AKR1D1: variants seen among roughly 807,000 people sequenced by gnomAD.
The protein encoded by AKR1D1 is delta(4)-3-ketosteroid 5-beta-reductase.
A neutral mutation model predicts 42.6 loss-of-function variants in AKR1D1; 32 were observed. That is an observed-to-expected ratio of 0.75 (90% CI 0.57 to 1.01). AKR1D1 has a LOEUF of 1.01. Ranked by LOEUF, AKR1D1 falls within the 50% of genes least tolerant of loss-of-function variation. AKR1D1 has a pLI of 0.00. For missense variants in AKR1D1, 364 were observed against 402.2 expected (o/e 0.91, Z 0.81); for synonymous variants, 123 against 135.5 (o/e 0.91, Z 0.64).
Position 138,118,122 on chromosome 7 carries a change from AGATCAGTTGC to A in AKR1D1, c.*1461_*1470del, listed in dbSNP as rs1380452388. The A allele has an allele frequency of 6.6e-6, 1 of 152,368 alleles. No homozygotes were observed. Among genetic ancestry groups the A allele is most frequent in the African/African-American group, 2.4e-5 (1 of 41,590 alleles). 9.4% of individuals were successfully genotyped at this position (152,368 alleles called of 1,614,324 possible). On this transcript the variant is annotated 3_prime_UTR_variant, in exon 9 of 9. Coordinates refer to ENST00000242375, the MANE Select transcript of AKR1D1 (RefSeq NM_005989.4). ...GTTCTTCAAAAATTATGTTTTCCCA[AGATCAGTTGC>A]TTATAGATAATGTTCAATGACCTCA... is the stretch of plus-strand genomic sequence containing the variant.
chr7:138,114,660 C>CAA (rs34437071), intron 8 of AKR1D1, among the ~76,000 whole-genome samples: 29 of 87,328 alleles, frequency 3.3e-4, no homozygotes, highest in African/African-American at 8.5e-4. Flanking sequence ...AACTCCATCT[C>CAA]AAAAAAAAAA....
intron 2 of AKR1D1, 74 bp downstream of exon 2, chr7:138,088,842 G>A (rs1585724422): frequency 1.6e-5 from 16 of 1,031,718 alleles, no homozygotes; most frequent in Middle Eastern, 3.1e-4. Context: ...TTCATCTTCC[G>A]TGTGTGTGTG....
chr7:138,081,817 G>C (rs991609139), intron 1 of AKR1D1, among the ~76,000 whole-genome samples: 2 of 152,048 alleles, frequency 1.3e-5, no homozygotes, highest in Non-Finnish European at 2.9e-5. Context: ...GCCGACCTCA[G>C]GTGATTCACC....
chr7:138,079,665 C>T (rs1053031762), intron 1 of AKR1D1, among the ~76,000 whole-genome samples: 11 of 152,216 alleles, frequency 7.2e-5, no homozygotes, highest in African/African-American at 2.7e-4. Flanking sequence ...ATCTGGATGG[C>T]ATGCTGTCTT....
chr7:138,102,109 G>A (rs971625194), intron 4 of AKR1D1, among the ~76,000 whole-genome samples: 5 of 152,100 alleles, frequency 3.3e-5, no homozygotes, highest in African/African-American at 9.7e-5. Flanking sequence ...TACTTGAAAG[G>A]CTGCAGCATG....
intron 4 of AKR1D1, among the ~76,000 whole-genome samples, chr7:138,103,145 G>C (rs1400329456): frequency 2.6e-5 from 4 of 152,106 alleles, no homozygotes; most frequent in South Asian, 2.1e-4. Context: ...CACATGCTCA[G>C]AAATTTTGCC....
intron 4 of AKR1D1, among the ~76,000 whole-genome samples, chr7:138,101,162 TCCCTCCCTCCCTCCCTCCCTCCCTCCCTC>T (rs1794302326): frequency 1.6e-5 from 1 of 61,674 alleles, no homozygotes; most frequent in African/African-American, 8.0e-5. Flanking sequence ...CCTCCCTCCC[TCCCTCCCTCCCTCCCTCCCTCCCTCCCTC>T]CCTTCCTTCC....
At chr7:138,101,073 T>C (rs999708640) in intron 4 of AKR1D1, among the ~76,000 whole-genome samples, 1 of 152,026 alleles carries the variant, frequency 6.6e-6, no homozygotes, top group African/African-American at 2.4e-5. Flanking sequence ...CTATAGGATA[T>C]AGGAGATTTA....
intron 3 of AKR1D1, among the ~76,000 whole-genome samples, chr7:138,097,214 G>A (rs1318533102): frequency 6.6e-6 from 1 of 152,084 alleles, no homozygotes; most frequent in Non-Finnish European, 1.5e-5. Flanking sequence ...TACTGCAGTT[G>A]CCCCAGTCCC....
At chr7:138,099,963 A>G (rs1171856603) in intron 4 of AKR1D1, among the ~76,000 whole-genome samples, 2 of 151,630 alleles carry the variant, frequency 1.3e-5, no homozygotes, top group Non-Finnish European at 2.9e-5. Context: ...CTGTAGTCCC[A>G]GCTACTTGGA....
At chr7:138,081,662 G>A (rs1018114179) in intron 1 of AKR1D1, among the ~76,000 whole-genome samples, 1 of 151,670 alleles carries the variant, frequency 6.6e-6, no homozygotes, top group Admixed American at 6.6e-5. Flanking sequence ...CTGAGTAGCT[G>A]GGACTACAGG....
At chr7:138,106,516 T>C in intron 5 of AKR1D1, 92 bp from the exon 6 acceptor site, 1 of 902,676 alleles carries the variant, frequency 1.1e-6, no homozygotes, top group Middle Eastern at 2.1e-4. Context: ...ATTAATAAAA[T>C]GGATTTTATT....
intron 8 of AKR1D1, 37 bp from the exon 9 acceptor site, chr7:138,116,583 G>C (rs145469170): frequency 6.2e-7 from 1 of 1,613,972 alleles, no homozygotes; most frequent in Admixed American, 1.7e-5. Context: ...TGCAATTTTT[G>C]AGTGAACTTT....
chr7:138,091,835 A>G lies in AKR1D1; in HGVS notation c.329A>G (p.Gln110Arg). 6.2e-7 allele frequency: 1 copy of G among 1,614,150 alleles called. No individual in the cohort carries two copies. The highest frequency in any genetic ancestry group is 8.5e-7 in the Non-Finnish European group (1 of 1,179,984). ...CTGGAGAGGACACTCAGGGTCCTCC[A>G]GCTAGATTATGTGGATCTTTACATC... ...PTLERTLRVL[Q>R]LDYVDLYIIE... Residue 110 changes from glutamine (Q) to arginine (R), a missense_variant, in exon 3 of 9, where the codon CAG becomes CGG. Gln to Arg is a conservative substitution (Grantham distance 43). Coordinates refer to ENST00000242375, the MANE Select transcript of AKR1D1 (RefSeq NM_005989.4).
At chr7:138,100,122 A>G (rs1340394008) in intron 4 of AKR1D1, among the ~76,000 whole-genome samples, 1 of 143,488 alleles carries the variant, frequency 7.0e-6, no homozygotes, top group African/African-American at 2.6e-5. Context: ...AAAAAAACAT[A>G]AAGAGAAAAT....
chr7:138,116,498 C>T (rs373883809), intron 8 of AKR1D1, 122 bp from the exon 9 acceptor site: 1 of 1,115,884 alleles, frequency 9.0e-7, no homozygotes. Flanking sequence ...AGGTAAGAAA[C>T]AGCAGAGGAA....
At chr7:138,076,640 C>T (rs1203858244) in intron 1 of AKR1D1, 29 bp downstream of exon 1, 1 of 1,558,314 alleles carries the variant, frequency 6.4e-7, no homozygotes, top group South Asian at 1.1e-5. Flanking sequence ...TCTTTGCTTG[C>T]TTGTTTGTTT....
chr7:138,082,541 T>G (rs1803079926), intron 1 of AKR1D1, among the ~76,000 whole-genome samples: 1 of 151,914 alleles, frequency 6.6e-6, no homozygotes, highest in Non-Finnish European at 1.5e-5. Context: ...CTGGATAATT[T>G]TTTAATTTTT....
chr7:138,104,891 C>T (rs1006164484), intron 4 of AKR1D1, among the ~76,000 whole-genome samples: 1 of 151,994 alleles, frequency 6.6e-6, no homozygotes, highest in East Asian at 1.9e-4. Flanking sequence ...TCCTAAGTAA[C>T]TGGGACTACA....
Sources: gnomAD v4.1 joint callset for allele counts (sites outside exome capture counted in the v4.1 genomes callset) on GRCh38, gnomAD v4.1.1 for gene constraint, MANE v1.5 for transcripts, NCBI Gene and HGNC (gene_info 2026-07-23, HGNC 2026-07-21) for gene names.